The following NBEA variants were observed in gnomAD, a reference collection of about 807,000 sequenced individuals.
NBEA encodes the protein lysosomal-trafficking regulator 2.
Under a neutral mutation model 343.4 loss-of-function variants are expected in NBEA, and 44 were observed. The observed-to-expected ratio is 0.13, with a 90% CI of 0.10 to 0.16. The LOEUF (loss-of-function observed/expected upper bound fraction) is 0.16, where lower values mean the gene tolerates loss of function less well. Among genes scored for constraint, NBEA ranks in the 10% least tolerant of loss-of-function variants. The probability of loss-of-function intolerance (pLI) is 1.00; values close to 1 mark genes in which losing one functional copy is unlikely to be tolerated. For synonymous variants in NBEA, 1,175 were observed against 1,238.7 expected (o/e 0.95, Z 1.08); for missense variants, 2,555 against 3,631.3 (o/e 0.70, Z 7.62).
In NBEA at chr13:35,606,419, C is replaced by T; in HGVS notation, c.7297-7C>T. 6 of 1,414,498 alleles carry T rather than the reference C, an allele frequency of 4.2e-6. No homozygotes were observed. The highest frequency in any genetic ancestry group is 3.5e-5 in the South Asian group (2 of 56,770). The allele number at this position is 1,414,498 out of a possible 1,614,324, so 87.6% of individuals were successfully genotyped here. On this transcript the variant is annotated splice_region_variant and splice_polypyrimidine_tract_variant and intron_variant, in intron 47 of 58. Transcript: ENST00000379939. ...GGTTTAATATGCTTCATTTTTATTC[C>T]TGATAGGAACTAATTCCAGAGTTCT...
At chr13:35,026,937 C>T (rs991689058) in intron 1 of NBEA, among the ~76,000 whole-genome samples, 1 of 152,064 alleles carries the variant, frequency 6.6e-6, no homozygotes, top group Non-Finnish European at 1.5e-5. Context: ...GTAACTACTA[C>T]TCTCTTTTCT....
chr13:35,643,695 A>AGAAGGATTTAGATCCTTGCCCAAGGAGGT, intron 49 of NBEA, among the ~76,000 whole-genome samples: 2 of 151,990 alleles, frequency 1.3e-5, no homozygotes, highest in African/African-American at 4.8e-5. Flanking sequence ...ATTATGATTT[A>AGAAGGATTTAGATCCTTGCCCAAGGAGGT]GAAGGATTTA....
Position 35,671,249 on chromosome 13 carries a change from T to A in NBEA, c.*258T>A. 1 of 330,426 alleles carries A rather than the reference T, an allele frequency of 3.0e-6. No homozygotes were observed. The highest frequency in any genetic ancestry group is 7.0e-5 in the South Asian group (1 of 14,344). 20.5% of individuals were successfully genotyped at this position (330,426 alleles called of 1,614,324 possible). ...GAGATGTTTTGGTAATTATTTCATA[T>A]ATTGTTGTTTATTGAGAAAAGGTTG... On this transcript the variant is annotated 3_prime_UTR_variant, in exon 59 of 59. Coordinates refer to ENST00000379939, the MANE Select transcript of NBEA (RefSeq NM_001385012.1).
intron 1 of NBEA, among the ~76,000 whole-genome samples, chr13:34,993,798 A>G (rs904187427): frequency 6.6e-6 from 1 of 152,136 alleles, no homozygotes; most frequent in African/African-American, 2.4e-5. Context: ...GAAATACTGT[A>G]TTTCTACCCT....
chr13:35,349,892 C>G lies in NBEA; in HGVS notation c.6012+676C>G, dbSNP rs147679473. On this transcript the variant is annotated intron_variant, in intron 37 of 58. Transcript: ENST00000379939. ...CTAGGTCTAGTGATCTCTGACCTAGCTGGCTGAAAAGCATGAGACAGGAAA... is the reference window on the plus strand; with the variant it reads ...CTAGGTCTAGTGATCTCTGACCTAGGTGGCTGAAAAGCATGAGACAGGAAA... 1.9e-3 allele frequency among the ~76,000 whole-genome samples: 293 copies of G among 152,164 alleles called. 2 individuals are homozygous for G. Among genetic ancestry groups the G allele is most frequent in the African/African-American group, 6.6e-3 (274 of 41,568 alleles).
chr13:35,263,988 T>G (rs2033446399), intron 34 of NBEA, among the ~76,000 whole-genome samples: 2 of 149,868 alleles, frequency 1.3e-5, no homozygotes. Flanking sequence ...AAAGAGTTGT[T>G]TTTTTTTTAA....
chr13:35,179,317 A>T (rs2071139391), intron 28 of NBEA, among the ~76,000 whole-genome samples: 2 of 151,556 alleles, frequency 1.3e-5, no homozygotes, highest in Admixed American at 6.6e-5. Context: ...TATTACCTTG[A>T]TGTTGTTCGG....
chr13:35,126,151 A>G (rs2067123064), intron 17 of NBEA, among the ~76,000 whole-genome samples: 2 of 152,152 alleles, frequency 1.3e-5, no homozygotes, highest in African/African-American at 4.8e-5. Flanking sequence ...TTCTTGTAAT[A>G]GTGAGTCGCA....
intron 1 of NBEA, among the ~76,000 whole-genome samples, chr13:34,970,912 A>C (rs972555593): frequency 6.6e-6 from 1 of 152,184 alleles, no homozygotes; most frequent in African/African-American, 2.4e-5. Flanking sequence ...TCTGTGAAGA[A>C]TGTCAATGGT....
intron 8 of NBEA, among the ~76,000 whole-genome samples, chr13:35,065,599 T>G (rs142956957): frequency 1.3e-5 from 2 of 152,142 alleles, no homozygotes; most frequent in African/African-American, 4.8e-5. Flanking sequence ...GTTTATTTAC[T>G]TTGCTTATCT....
At chr13:35,146,950 A>G (rs919254514) in intron 18 of NBEA, among the ~76,000 whole-genome samples, 1 of 152,186 alleles carries the variant, frequency 6.6e-6, no homozygotes, top group African/African-American at 2.4e-5. Context: ...TGTCCCGAGT[A>G]AAGTTTGGCA....
intron 26 of NBEA, among the ~76,000 whole-genome samples, chr13:35,172,742 C>T (rs557528713): frequency 4.3e-4 from 65 of 151,996 alleles, no homozygotes; most frequent in Non-Finnish European, 7.8e-4. Flanking sequence ...TTTGTTCATC[C>T]TCATTTTACA....
Position 34,995,927 on chromosome 13 carries a change from G to A in NBEA, c.295-45006G>A, listed in dbSNP as rs112559626. Among the ~76,000 whole-genome samples, 63 of 152,334 alleles carry A rather than the reference G, an allele frequency of 4.1e-4. 1 individual carries two copies. The highest frequency in any genetic ancestry group is 1.4e-3 in the African/African-American group (57 of 41,580). ...TCTCAGTCCTACCTGCTAATGGGAC[G>A]TGAGCCTTTAGATATTCTGCTGGGC... On this transcript the variant is annotated intron_variant, in intron 1 of 58. Coordinates refer to ENST00000379939, the MANE Select transcript of NBEA (RefSeq NM_001385012.1).
At chr13:35,524,331 A>G (rs940501576) in intron 41 of NBEA, among the ~76,000 whole-genome samples, 4 of 152,218 alleles carry the variant, frequency 2.6e-5, no homozygotes, top group African/African-American at 9.6e-5. Context: ...AAAGTCAGCA[A>G]TGAACATTGT....
intron 58 of NBEA, among the ~76,000 whole-genome samples, chr13:35,669,521 A>C (rs1286412394): frequency 3.9e-5 from 6 of 152,244 alleles, no homozygotes; most frequent in Non-Finnish European, 8.8e-5. Flanking sequence ...TTTGGTCTGC[A>C]GCCCAGACTG....
At chr13:35,433,980 G>A (rs117001151) in intron 39 of NBEA, among the ~76,000 whole-genome samples, 4,494 of 152,088 alleles carry the variant, frequency 0.03, 100 homozygotes, top group Non-Finnish European at 0.045. Context: ...TTGTAACAGA[G>A]TTTATACTAC....
intron 13 of NBEA, among the ~76,000 whole-genome samples, chr13:35,115,925 C>G (rs1029920344): frequency 2.6e-5 from 4 of 152,112 alleles, no homozygotes; most frequent in African/African-American, 9.7e-5. Flanking sequence ...TGTTATAAAA[C>G]TGGTCCAATT....
intron 1 of NBEA, among the ~76,000 whole-genome samples, chr13:34,976,866 G>C (rs770452731): frequency 4.6e-5 from 7 of 150,964 alleles, no homozygotes; most frequent in Non-Finnish European, 1.0e-4. Context: ...TTTTCTCCAG[G>C]AAGATTGTTC....
At chr13:35,289,316 C>T (rs2035644270) in intron 34 of NBEA, among the ~76,000 whole-genome samples, 1 of 151,702 alleles carries the variant, frequency 6.6e-6, no homozygotes, top group African/African-American at 2.4e-5. Context: ...TATGAATGTT[C>T]TTGTTACACA....
Sources: allele counts gnomAD v4.1 joint callset (sites outside exome capture counted in the v4.1 genomes callset), GRCh38; gene constraint gnomAD v4.1.1; transcripts MANE v1.5; gene names NCBI Gene and HGNC (gene_info 2026-07-23, HGNC 2026-07-21).